The following SV2C variants were observed in gnomAD, a reference collection of about 807,000 sequenced individuals.
SV2C encodes synaptic vesicle glycoprotein 2C, also known as solute carrier family 22 member B3.
SV2C carries 49 observed loss-of-function variants against 79.7 expected under a neutral mutation model. That is an observed-to-expected ratio of 0.61 (90% CI 0.49 to 0.78). The LOEUF is 0.78. Among genes scored for constraint, SV2C ranks in the 30% least tolerant of loss-of-function variants. The pLI, the probability that SV2C is intolerant of heterozygous loss-of-function variation, is 0.00. For missense variants in SV2C, 833 were observed against 912.9 expected, an observed-to-expected ratio of 0.91 and a Z score of 1.13; for synonymous variants, 334 against 333.2, an observed-to-expected ratio of 1.00 and a Z score of -0.03.
At chr5:75,883,526 T>C in the SV2C span, among the ~76,000 whole-genome samples, 1 of 146,252 alleles carries the variant, frequency 6.8e-6, no homozygotes. Context: ...GATGAGTTCA[T>C]GTCCTTTGTA....
intron 2 of SV2C, among the ~76,000 whole-genome samples, chr5:76,143,282 G>A (rs951429670): frequency 4.6e-5 from 7 of 152,170 alleles, no homozygotes; most frequent in African/African-American, 1.7e-4. Flanking sequence ...TTAGTGGTCA[G>A]ATGATGAGAC....
At chr5:76,289,067 A>T (rs1747456362) in intron 6 of SV2C, among the ~76,000 whole-genome samples, 1 of 151,922 alleles carries the variant, frequency 6.6e-6, no homozygotes, top group East Asian at 1.9e-4. Flanking sequence ...ATTTGTAGAT[A>T]ATTAACAACA....
rs902805550 is a variant in SV2C at position 76,195,811 on chromosome 5, C to T, written c.761+712C>T. On this transcript the variant is annotated intron_variant, in intron 3 of 12. Coordinates refer to ENST00000502798, the MANE Select transcript of SV2C (RefSeq NM_014979.4). The stretch of plus-strand genomic sequence containing the variant: ...ATAAAATTTTTATAACGAATGGGTA[C>T]TAGGCTTAATGCCTGGGTGACAAAA... 2.4e-4 allele frequency among the ~76,000 whole-genome samples: 36 copies of T among 152,256 alleles called. 1 individual carries two copies. The highest frequency in any genetic ancestry group is 8.2e-4 in the African/African-American group (34 of 41,564).
chr5:76,141,240 G>A (rs997486795), intron 2 of SV2C, among the ~76,000 whole-genome samples: 2 of 152,124 alleles, frequency 1.3e-5, no homozygotes, highest in Non-Finnish European at 2.9e-5. Context: ...ATTCTAAGAC[G>A]GTGAGAATTT....
chr5:75,900,387 T>C, the SV2C span, among the ~76,000 whole-genome samples: 1 of 152,238 alleles, frequency 6.6e-6, no homozygotes, highest in Non-Finnish European at 1.5e-5. Flanking sequence ...TGTTGAATAT[T>C]GGCCCCCACT....
At chr5:75,958,878 G>C in the SV2C span, among the ~76,000 whole-genome samples, 2 of 151,834 alleles carry the variant, frequency 1.3e-5, no homozygotes, top group African/African-American at 4.8e-5. Flanking sequence ...ACCCTTTGAT[G>C]GTCATGAAGT....
chr5:75,859,804 G>A, the SV2C span, among the ~76,000 whole-genome samples: 18 of 152,124 alleles, frequency 1.2e-4, no homozygotes, highest in Non-Finnish European at 2.4e-4. Flanking sequence ...TTAGACACAC[G>A]CCGTTGCTCA....
At chr5:76,350,603 T>C (rs1377217262) in intron 12 of SV2C, among the ~76,000 whole-genome samples, 1 of 152,164 alleles carries the variant, frequency 6.6e-6, no homozygotes, top group Non-Finnish European at 1.5e-5. Context: ...ACTAAGGAAC[T>C]AAAATGAGCC....
intron 2 of SV2C, among the ~76,000 whole-genome samples, chr5:76,190,330 G>A (rs1744058636): frequency 1.3e-5 from 2 of 152,190 alleles, no homozygotes; most frequent in South Asian, 4.1e-4. Context: ...CAGGGTGGGA[G>A]AGTTAGTGGA....
At chr5:76,266,086 A>C (rs4481336) in intron 4 of SV2C, among the ~76,000 whole-genome samples, 129,387 of 152,072 alleles carry the variant, frequency 0.85, 55,399 homozygotes, top group Middle Eastern at 0.95. Flanking sequence ...TGAGAGGAGC[A>C]ACTAGGGAGA....
chr5:76,207,103 A>G (rs1051936877), intron 3 of SV2C, among the ~76,000 whole-genome samples: 1 of 152,010 alleles, frequency 6.6e-6, no homozygotes, highest in Non-Finnish European at 1.5e-5. Flanking sequence ...TTATGTAACA[A>G]TGATTTGTTG....
the SV2C span, among the ~76,000 whole-genome samples, chr5:75,965,149 C>T: frequency 6.6e-6 from 1 of 152,048 alleles, no homozygotes; most frequent in Non-Finnish European, 1.5e-5. Flanking sequence ...CATTCATTGT[C>T]AGAACTGCAG....
the SV2C span, among the ~76,000 whole-genome samples, chr5:75,887,980 C>T: frequency 6.6e-6 from 1 of 152,136 alleles, no homozygotes; most frequent in Non-Finnish European, 1.5e-5. Context: ...CTGCAAGAAC[C>T]TTATTTTACT....
the SV2C span, among the ~76,000 whole-genome samples, chr5:75,871,876 AT>A: frequency 2.8e-5 from 4 of 141,264 alleles, no homozygotes; most frequent in Non-Finnish European, 6.1e-5. Flanking sequence ...TATTTTTATT[AT>A]TATTATTATT....
intron 4 of SV2C, among the ~76,000 whole-genome samples, chr5:76,223,481 ATATATATATATATATGTATATG>A (rs1745143114): frequency 1.0e-4 from 6 of 57,434 alleles, no homozygotes; most frequent in African/African-American, 1.5e-4. Context: ...ATATATATAT[ATATATATATATATATGTATATG>A]TATATAAAGA....
At chr5:76,324,190 G>A (rs1039005944) in intron 12 of SV2C, among the ~76,000 whole-genome samples, 1 of 151,990 alleles carries the variant, frequency 6.6e-6, no homozygotes, top group Non-Finnish European at 1.5e-5. Context: ...AAACTCCTAG[G>A]TTCAAGAAAT....
chr5:76,202,015 C>CAAAAAAAAA (rs373279209), intron 3 of SV2C, among the ~76,000 whole-genome samples: 29 of 82,128 alleles, frequency 3.5e-4, no homozygotes, highest in Admixed American at 5.6e-4. Context: ...GACTCCATCT[C>CAAAAAAAAA]AAAAAAAAAA....
intron 4 of SV2C, among the ~76,000 whole-genome samples, chr5:76,217,157 G>A (rs1744927344): frequency 6.6e-6 from 1 of 152,186 alleles, no homozygotes; most frequent in Admixed American, 6.5e-5. Context: ...CACTGCAGAT[G>A]TTATAGGGTC....
rs1402377312 is a variant in SV2C, at chr5:76,332,337, T to G, written c.*6790T>G. On this transcript the variant is annotated 3_prime_UTR_variant, in exon 13 of 13. Coordinates refer to ENST00000502798, the MANE Select transcript of SV2C (RefSeq NM_014979.4). ...GTGCCTGGGGAGTGACTAGGCAGCC[T>G]GCTCACAGGGGCTGGAGTCATCTAA... 6.6e-6 allele frequency: 1 copy of G among 152,174 alleles called. No individual in the cohort carries two copies. Among genetic ancestry groups the G allele is most frequent in the Non-Finnish European group, 1.5e-5 (1 of 68,024 alleles). The allele number at this position is 152,174 out of a possible 1,614,324, so 9.4% of individuals were successfully genotyped here. A position where few individuals can be genotyped will look rare whatever the true frequency, so the allele number is the denominator to read the frequency against.
Sources: allele counts gnomAD v4.1 joint callset (sites outside exome capture counted in the v4.1 genomes callset), GRCh38; gene constraint gnomAD v4.1.1; transcripts MANE v1.5; gene names NCBI Gene and HGNC (gene_info 2026-07-23, HGNC 2026-07-21).